The following GPC5 variants were observed in gnomAD, a reference collection of about 807,000 sequenced individuals.
The protein encoded by GPC5 is glypican-5.
A neutral mutation model predicts 53.9 loss-of-function variants in GPC5; 47 were observed. That is an observed-to-expected ratio of 0.87 (90% CI 0.69 to 1.11). GPC5 has a LOEUF of 1.11. Ranked by LOEUF, GPC5 falls within the 50% of genes most tolerant of loss-of-function variation. The probability of loss-of-function intolerance (pLI) is 0.00; values close to 1 mark genes in which losing one functional copy is unlikely to be tolerated. For synonymous variants in GPC5, 286 were observed against 263.3 expected (o/e 1.09, Z -0.84); for missense variants, 748 against 713.1 (o/e 1.05, Z -0.56).
At chr13:92,664,892 G>A (rs1360264203) in intron 7 of GPC5, among the ~76,000 whole-genome samples, 1 of 151,978 alleles carries the variant, frequency 6.6e-6, no homozygotes, top group African/African-American at 2.4e-5. Context: ...ATTTATAACA[G>A]CAAAAAAGTC....
chr13:92,224,530 A>G (rs984943301), intron 7 of GPC5, among the ~76,000 whole-genome samples: 24 of 152,304 alleles, frequency 1.6e-4, no homozygotes, highest in East Asian at 1.4e-3. Context: ...ACGGATTTCA[A>G]TAGGGTCCAC....
At chr13:92,234,069 C>T (rs1175540330) in intron 7 of GPC5, among the ~76,000 whole-genome samples, 8 of 152,178 alleles carry the variant, frequency 5.3e-5, no homozygotes, top group East Asian at 3.9e-4. Context: ...TGTTGGACAT[C>T]TGGGTTGGTT....
chr13:92,514,307 T>C (rs1880688987), intron 7 of GPC5, among the ~76,000 whole-genome samples: 1 of 152,090 alleles, frequency 6.6e-6, no homozygotes. Context: ...AATTAAGACA[T>C]ATACTATGGT....
At chr13:91,970,006 G>T (rs960220385) in intron 6 of GPC5, among the ~76,000 whole-genome samples, 2 of 152,106 alleles carry the variant, frequency 1.3e-5, no homozygotes, top group South Asian at 4.1e-4. Flanking sequence ...GTCAAGATGA[G>T]GAATCAACCT....
chr13:92,630,459 T>A (rs547386907), intron 7 of GPC5, among the ~76,000 whole-genome samples: 17 of 152,192 alleles, frequency 1.1e-4, no homozygotes, highest in African/African-American at 3.1e-4. Context: ...TGAAATGGAT[T>A]GTTGGGCAAA....
chr13:92,370,766 A>G (rs1202027971), intron 7 of GPC5, among the ~76,000 whole-genome samples: 2 of 152,186 alleles, frequency 1.3e-5, no homozygotes, highest in Non-Finnish European at 2.9e-5. Flanking sequence ...TATATTTTAT[A>G]TGATTAGTTT....
At position 92,811,951 on chromosome 13, in the gene GPC5, T is replaced by A. The variant is rs560638600; in HGVS notation, c.1562-54331T>A. Among the ~76,000 whole-genome samples, 4 of 152,058 alleles carry A rather than the reference T, an allele frequency of 2.6e-5. No homozygotes were observed. The South Asian group carries it at 8.3e-4, about 31-fold the overall frequency. ...TATGTCTGAACTCAATTGTATTCCA[T>A]TAGTCTGTAACATATGCCAATATCA... On this transcript the variant is annotated intron_variant, in intron 7 of 7. Coordinates refer to ENST00000377067, the MANE Select transcript of GPC5 (RefSeq NM_004466.6).
intron 6 of GPC5, among the ~76,000 whole-genome samples, chr13:92,017,734 C>T (rs1409559880): frequency 6.6e-6 from 1 of 151,970 alleles, no homozygotes; most frequent in African/African-American, 2.4e-5. Flanking sequence ...CACACATGCA[C>T]AAGTACACAC....
intron 7 of GPC5, among the ~76,000 whole-genome samples, chr13:92,222,396 G>T (rs755141882): frequency 6.6e-6 from 1 of 152,120 alleles, no homozygotes; most frequent in Non-Finnish European, 1.5e-5. Flanking sequence ...AAACTGAGAC[G>T]ATAGAAATTA....
intron 7 of GPC5, among the ~76,000 whole-genome samples, chr13:92,239,384 A>G (rs1297695864): frequency 6.6e-6 from 1 of 152,004 alleles, no homozygotes; most frequent in East Asian, 1.9e-4. Context: ...ATAAAACAAC[A>G]TTACTTATTG....
intron 7 of GPC5, among the ~76,000 whole-genome samples, chr13:92,299,620 G>C (rs2043061524): frequency 1.3e-5 from 2 of 152,072 alleles, no homozygotes; most frequent in Admixed American, 6.6e-5. Context: ...TTTATAGGAA[G>C]ATTTATCTTT....
chr13:92,526,638 T>A (rs1478972248), intron 7 of GPC5, among the ~76,000 whole-genome samples: 1 of 151,836 alleles, frequency 6.6e-6, no homozygotes, highest in Non-Finnish European at 1.5e-5. Flanking sequence ...AGCCATGACT[T>A]AGGATGTTTT....
intron 7 of GPC5, among the ~76,000 whole-genome samples, chr13:92,290,052 C>CCACA (rs1422083554): frequency 3.3e-5 from 5 of 152,224 alleles, no homozygotes; most frequent in African/African-American, 1.2e-4. Context: ...TGATACTGAA[C>CCACA]CACACTAAAT....
intron 6 of GPC5, among the ~76,000 whole-genome samples, chr13:91,970,123 A>C (rs993876513): frequency 2.0e-5 from 3 of 152,230 alleles, no homozygotes; most frequent in Non-Finnish European, 4.4e-5. Context: ...ATTTGCAACA[A>C]CATGGATGAG....
At chr13:92,196,289 A>G (rs1300398516) in intron 7 of GPC5, among the ~76,000 whole-genome samples, 4 of 152,168 alleles carry the variant, frequency 2.6e-5, no homozygotes, top group African/African-American at 9.7e-5. Flanking sequence ...GATATTTTAT[A>G]AGATTTAATT....
chr13:92,241,557 A>C (rs1334440937), intron 7 of GPC5: 1 of 152,174 alleles, frequency 6.6e-6, no homozygotes, highest in African/African-American at 2.4e-5. Flanking sequence ...CATAGATTGA[A>C]AATCATTACC....
At chr13:92,044,805 C>T (rs77938530) in intron 6 of GPC5, among the ~76,000 whole-genome samples, 4,422 of 152,226 alleles carry the variant, frequency 0.029, 149 homozygotes, top group African/African-American at 0.077. Flanking sequence ...CTAGTATTTT[C>T]CTAAGAGAGT....
chr13:91,857,022 T>A (rs1330955002), intron 5 of GPC5, among the ~76,000 whole-genome samples: 1 of 151,250 alleles, frequency 6.6e-6, no homozygotes, highest in Non-Finnish European at 1.5e-5. Flanking sequence ...TCTTTCCAAT[T>A]TGAATTGCTT....
intron 7 of GPC5, among the ~76,000 whole-genome samples, chr13:92,703,899 A>AT (rs748438761): frequency 6.6e-5 from 10 of 151,938 alleles, no homozygotes; most frequent in Non-Finnish European, 1.5e-4. Flanking sequence ...TATTTAATAG[A>AT]TTTTTCAGAG....
Sources: allele counts gnomAD v4.1 joint callset (sites outside exome capture counted in the v4.1 genomes callset), GRCh38; gene constraint gnomAD v4.1.1; transcripts MANE v1.5; gene names NCBI Gene and HGNC (gene_info 2026-07-23, HGNC 2026-07-21).